CLCN5: variants seen among roughly 807,000 people sequenced by gnomAD.
The protein encoded by CLCN5 is H(+)/Cl(-) exchange transporter 5.
A neutral mutation model predicts 54.0 loss-of-function variants in CLCN5; 17 were observed. The observed-to-expected ratio is 0.31, with a 90% confidence interval of 0.22 to 0.47. The LOEUF (loss-of-function observed/expected upper bound fraction) is 0.47, where lower values mean the gene tolerates loss of function less well. Ranked by LOEUF, CLCN5 falls within the 20% of genes least tolerant of loss-of-function variation. The pLI, the probability that CLCN5 is intolerant of heterozygous loss-of-function variation, is 1.00. For missense variants in CLCN5, 448 were observed against 646.7 expected, an observed-to-expected ratio of 0.69 and a Z score of 3.33; for synonymous variants, 222 against 233.0, an observed-to-expected ratio of 0.95 and a Z score of 0.43.
intron 3 of CLCN5, among the ~76,000 whole-genome samples, chrX:49,937,199 T>C (rs192178376): frequency 9.0e-6 from 1 of 111,464 alleles, no homozygotes. Flanking sequence ...AGAAGGGAGG[T>C]ATTATTTAAG....
At chrX:49,944,941 C>T (rs1201457893) in intron 3 of CLCN5, among the ~76,000 whole-genome samples, 4 of 112,358 alleles carry the variant, frequency 3.6e-5, no homozygotes, top group South Asian at 3.7e-4. Context: ...TGAACTCCTG[C>T]GTCTGTTATT....
At chrX:50,084,030 A>G (rs1271178558) in intron 9 of CLCN5, among the ~76,000 whole-genome samples, 2 of 112,449 alleles carry the variant, frequency 1.8e-5, no homozygotes, top group African/African-American at 6.5e-5. Context: ...GAATACAGTC[A>G]TGTCTCAATG....
intron 3 of CLCN5, among the ~76,000 whole-genome samples, chrX:50,002,681 CTGTGTG>C (rs60257335): frequency 0.049 from 4,629 of 94,627 alleles, 121 homozygotes; most frequent in Non-Finnish European, 0.074. Context: ...CTCTCTCTCT[CTGTGTG>C]TGTGTGTGTG....
At chrX:50,085,132 A>C (rs1231437840) in intron 9 of CLCN5, among the ~76,000 whole-genome samples, 4 of 111,643 alleles carry the variant, frequency 3.6e-5, no homozygotes, top group Non-Finnish European at 5.6e-5. Flanking sequence ...AAAACTCGTA[A>C]TTTTGTTCAA....
At position 50,097,948 on chromosome X, in the gene CLCN5, C is replaced by T. The variant is rs1557195937; in HGVS notation, c.*5729C>T. On this transcript the variant is annotated 3_prime_UTR_variant, in exon 15 of 15. Transcript: ENST00000376091. The stretch of plus-strand genomic sequence containing the variant: ...TGAGTGAAATGCCATCTGGCAAAAT[C>T]GAGAAGAGAGTGTGGCCTGAGAGGG... 8.9e-6 allele frequency: 1 copy of T among 112,279 alleles called. No homozygotes were observed. The highest frequency in any genetic ancestry group is 1.9e-5 in the Non-Finnish European group (1 of 53,207). The allele number at this position is 112,279 out of a possible 1,213,427, so 9.3% of individuals were successfully genotyped here. A position where few individuals can be genotyped will look rare whatever the true frequency, so the allele number is the denominator to read the frequency against.
At chrX:50,077,396 T>A (rs782635977) in intron 7 of CLCN5, among the ~76,000 whole-genome samples, 5 of 109,556 alleles carry the variant, frequency 4.6e-5, no homozygotes, top group Non-Finnish European at 9.5e-5. Context: ...TATTTGGAAT[T>A]TTTTTTCAAA....
intron 3 of CLCN5, among the ~76,000 whole-genome samples, chrX:49,969,182 A>AT (rs1928070994): frequency 9.0e-6 from 1 of 110,668 alleles, no homozygotes; most frequent in Non-Finnish European, 1.9e-5. Context: ...GGTTCAAGCA[A>AT]TTCTCGTGCT....
chrX:49,925,028 C>A lies in CLCN5; in HGVS notation c.-128-143C>A, dbSNP rs180706714. ...CCAGATCTCTCTCTCTTCAGAGATA[C>A]CTTGCTGCTTAGAGGGAAACTTGAC... On this transcript the variant is annotated intron_variant, in intron 2 of 14. Transcript: ENST00000376091. 9.9e-6 allele frequency: 4 copies of A among 405,689 alleles called. No individual in the cohort carries two copies. In the African/African-American group the frequency reaches 1.0e-4, roughly 10 times the overall value. The allele number at this position is 405,689 out of a possible 1,213,427, so 33.4% of individuals were successfully genotyped here.
intron 4 of CLCN5, among the ~76,000 whole-genome samples, chrX:50,048,403 A>C (rs2147488521): frequency 8.9e-6 from 1 of 112,871 alleles, no homozygotes; most frequent in African/African-American, 3.2e-5. Flanking sequence ...AGGACTAGGA[A>C]GTTAGGTTTC....
At chrX:49,982,538 GA>G (rs1557177793) in intron 3 of CLCN5, among the ~76,000 whole-genome samples, 1 of 111,147 alleles carries the variant, frequency 9.0e-6, no homozygotes. Context: ...ACAGGAGAGA[GA>G]AAAAAGAGGA....
intron 3 of CLCN5, among the ~76,000 whole-genome samples, chrX:50,011,387 A>G (rs1158196529): frequency 1.8e-5 from 2 of 112,228 alleles, no homozygotes; most frequent in Non-Finnish European, 3.8e-5. Context: ...CTATACATAA[A>G]TGTTGTGGAT....
chrX:50,012,518 A>G (rs1249714290), intron 3 of CLCN5, among the ~76,000 whole-genome samples: 1 of 112,567 alleles, frequency 8.9e-6, no homozygotes, highest in Non-Finnish European at 1.9e-5. Flanking sequence ...CGAGCCTTCT[A>G]TTCAGGTTGT....
chrX:49,957,736 A>G (rs1557174076), intron 3 of CLCN5, among the ~76,000 whole-genome samples: 1 of 112,268 alleles, frequency 8.9e-6, no homozygotes, highest in East Asian at 2.8e-4. Context: ...TGAGGCTGAC[A>G]TTGATCCATT....
At chrX:49,948,982 G>T (rs975093800) in intron 3 of CLCN5, among the ~76,000 whole-genome samples, 1 of 112,272 alleles carries the variant, frequency 8.9e-6, no homozygotes, top group African/African-American at 3.2e-5. Context: ...TGTATTAAAT[G>T]CAAATTAATT....
At chrX:50,049,678 A>C (rs1557188131) in intron 4 of CLCN5, among the ~76,000 whole-genome samples, 1 of 112,101 alleles carries the variant, frequency 8.9e-6, no homozygotes, top group South Asian at 3.7e-4. Context: ...CACATGCTGC[A>C]TTCTATCCTG....
intron 3 of CLCN5, among the ~76,000 whole-genome samples, chrX:49,991,444 T>C (rs1929258253): frequency 8.9e-6 from 1 of 112,282 alleles, no homozygotes; most frequent in Non-Finnish European, 1.9e-5. Context: ...AGATTTTGTA[T>C]ATTAGTTCTT....
At chrX:49,957,566 G>A (rs782664088) in intron 3 of CLCN5, among the ~76,000 whole-genome samples, 2 of 111,270 alleles carry the variant, frequency 1.8e-5, no homozygotes, top group Admixed American at 1.9e-4. Flanking sequence ...TCGCCTGTTG[G>A]TATTTTTGGA....
chrX:49,987,593 G>A (rs1929045074), intron 3 of CLCN5, among the ~76,000 whole-genome samples: 1 of 112,045 alleles, frequency 8.9e-6, no homozygotes, highest in Non-Finnish European at 1.9e-5. Flanking sequence ...GATACCCTTG[G>A]AAGTACTTAT....
chrX:50,028,605 G>A (rs1931537069), intron 3 of CLCN5, among the ~76,000 whole-genome samples: 1 of 111,895 alleles, frequency 8.9e-6, no homozygotes, highest in Non-Finnish European at 1.9e-5. Flanking sequence ...TTTGGGGGAA[G>A]CAGTTTGCCC....
Sources: gnomAD v4.1 joint callset for allele counts (sites outside exome capture counted in the v4.1 genomes callset) on GRCh38, gnomAD v4.1.1 for gene constraint, MANE v1.5 for transcripts, NCBI Gene and HGNC (gene_info 2026-07-23, HGNC 2026-07-21) for gene names.